Variants in TLN2 observed in about 807,000 individuals in gnomAD.
TLN2 encodes the protein talin 2.
In TLN2, 118 loss-of-function variants were observed where a neutral mutation model predicts 294.7. That is an observed-to-expected ratio of 0.40 (90% CI 0.34 to 0.47). The LOEUF (loss-of-function observed/expected upper bound fraction) is 0.47. Among genes scored for constraint, TLN2 ranks in the 20% least tolerant of loss-of-function variants. The pLI is 0.84. For synonymous variants in TLN2, 1,431 were observed against 1,304.5 expected (o/e 1.10, Z -2.09); for missense variants, 3,083 against 3,282.2 (o/e 0.94, Z 1.48).
chr15:62,776,777 A>C lies in TLN2; in HGVS notation c.5381A>C (p.His1794Pro), dbSNP rs898238364. The C allele has an allele frequency of 6.4e-7, 1 of 1,574,254 alleles. No homozygotes were observed. Among genetic ancestry groups the C allele is most frequent in the African/African-American group, 1.4e-5 (1 of 72,940 alleles). The change falls in exon 43 of 59, where the codon CAT becomes CCT. Residue 1794 changes from histidine (H) to proline (P), a missense_variant. His to Pro is a moderately conservative substitution (Grantham distance 77). Coordinates refer to ENST00000636159, the MANE Select transcript of TLN2 (RefSeq NM_015059.3). ...TTCCCTTCTCAGGCACAACACACCC[A>C]TGACGCCATCACAGAGGCCGCCCAG... is the stretch of plus-strand genomic sequence containing the variant. Reference protein sequence around the residue: ...GGGNPKAQHTHDAITEAAQLM... With the variant: ...GGGNPKAQHTPDAITEAAQLM...
At chr15:62,572,325 C>T (rs1215423229) in intron 1 of TLN2, among the ~76,000 whole-genome samples, 4 of 152,078 alleles carry the variant, frequency 2.6e-5, no homozygotes, top group African/African-American at 7.2e-5. Flanking sequence ...ACTGTAACCT[C>T]GACCTCCTGG....
intron 14 of TLN2, among the ~76,000 whole-genome samples, chr15:62,696,221 T>C (rs1172279582): frequency 6.6e-6 from 1 of 152,204 alleles, no homozygotes; most frequent in Non-Finnish European, 1.5e-5. Context: ...GCGAGGGCCC[T>C]GGGACAGAGG....
intron 9 of TLN2, among the ~76,000 whole-genome samples, chr15:62,664,396 A>C (rs2054277118): frequency 6.6e-6 from 1 of 152,108 alleles, no homozygotes; most frequent in African/African-American, 2.4e-5. Context: ...AGATGGGCAT[A>C]CATTTAAATG....
intron 3 of TLN2, among the ~76,000 whole-genome samples, chr15:62,646,169 CT>C (rs5813156): frequency 0.66 from 97,828 of 148,466 alleles, 32,362 homozygotes; most frequent in Middle Eastern, 0.8. Flanking sequence ...TCTTTTCTTT[CT>C]TTTTTTTTTT....
rs1435768403 is a variant in TLN2, at chr15:62,701,097, G to C, written c.1588-9G>C. On this transcript the variant is annotated splice_polypyrimidine_tract_variant and intron_variant, in intron 16 of 58. Transcript: ENST00000636159. ...TGTGATTGTGTTGTGCCGTTGTCTG[G>C]CTTTGCAGGCATCTAGGGTATGGGT... 6.2e-7 allele frequency: 1 copy of C among 1,612,588 alleles called. No individual in the cohort carries two copies. The highest frequency in any genetic ancestry group is 1.7e-5 in the Admixed American group (1 of 59,816).
chr15:62,631,773 G>T (rs1273867487), intron 3 of TLN2, among the ~76,000 whole-genome samples: 1 of 149,134 alleles, frequency 6.7e-6, no homozygotes, highest in African/African-American at 2.5e-5. Flanking sequence ...GGTATAGACG[G>T]GGTCTCCCTA....
At chr15:62,430,934 CA>C (rs10649000) in intron 1 of TLN2, among the ~76,000 whole-genome samples, 60 of 143,654 alleles carry the variant, frequency 4.2e-4, no homozygotes, top group African/African-American at 1.1e-3. Flanking sequence ...CAGGAAAAGC[CA>C]AAAAAAAAAA....
chr15:62,692,639 C>A (rs1320343942), intron 12 of TLN2, among the ~76,000 whole-genome samples: 1 of 152,134 alleles, frequency 6.6e-6, no homozygotes. Flanking sequence ...AGCCCCCCAG[C>A]CAGTCTGTCT....
chr15:62,522,968 A>T (rs1307504642), intron 1 of TLN2, among the ~76,000 whole-genome samples: 1 of 140,612 alleles, frequency 7.1e-6, no homozygotes, highest in East Asian at 2.4e-4. Context: ...ACACACACAC[A>T]CACACACACA....
intron 1 of TLN2, among the ~76,000 whole-genome samples, chr15:62,522,941 TACACACACACACACACACACACAC>T (rs71129007): frequency 7.5e-6 from 1 of 133,084 alleles, no homozygotes; most frequent in African/African-American, 3.1e-5. Context: ...GAATGTGGCT[TACACACACACACACACACACACAC>T]ACACACACAC....
chr15:62,782,936 G>A (rs554555286), intron 44 of TLN2, among the ~76,000 whole-genome samples: 17 of 152,348 alleles, frequency 1.1e-4, no homozygotes, highest in Admixed American at 3.9e-4. Flanking sequence ...AGTGACACCC[G>A]TCTGGGTGGC....
intron 11 of TLN2, among the ~76,000 whole-genome samples, chr15:62,677,850 CA>C (rs2056405417): frequency 1.6e-5 from 2 of 123,734 alleles, no homozygotes; most frequent in East Asian, 5.8e-4. Context: ...GGCTAGAGAG[CA>C]ATGGCACGAT....
intron 1 of TLN2, among the ~76,000 whole-genome samples, chr15:62,535,592 G>T (rs1462811534): frequency 1.8e-4 from 26 of 144,526 alleles, no homozygotes; most frequent in East Asian, 1.2e-3. Flanking sequence ...GTCTGGTTCT[G>T]TTGCCCCGGC....
chr15:62,815,177 TCACACACACA>T (rs3055852), intron 52 of TLN2, among the ~76,000 whole-genome samples: 14,968 of 140,448 alleles, frequency 0.11, 889 homozygotes, highest in Non-Finnish European at 0.11. Context: ...ATTCTGTCTG[TCACACACACA>T]CACACACACA....
At chr15:62,544,324 C>T (rs981642352) in intron 1 of TLN2, among the ~76,000 whole-genome samples, 1 of 152,184 alleles carries the variant, frequency 6.6e-6, no homozygotes, top group African/African-American at 2.4e-5. Context: ...GCGCCTCTTC[C>T]TCTGGGTTCG....
At chr15:62,657,154 G>C (rs943713564) in intron 8 of TLN2, among the ~76,000 whole-genome samples, 10 of 6,908 alleles carry the variant, frequency 1.4e-3, no homozygotes, top group African/African-American at 1.7e-3. Flanking sequence ...CTGAAAAGGT[G>C]GGGGGGGGAA....
chr15:62,729,856 A>G (rs2140939623), intron 28 of TLN2, among the ~76,000 whole-genome samples: 1 of 151,990 alleles, frequency 6.6e-6, no homozygotes, highest in Admixed American at 6.6e-5. Flanking sequence ...TCAGATTCAT[A>G]TGCATTTTCA....
intron 1 of TLN2, among the ~76,000 whole-genome samples, chr15:62,427,875 CTG>C (rs1468522267): frequency 1.3e-5 from 2 of 152,186 alleles, no homozygotes; most frequent in Non-Finnish European, 2.9e-5. Flanking sequence ...TACCTGAAAA[CTG>C]TGAGGCTTGT....
At position 62,534,219 on chromosome 15, in the gene TLN2, TA is replaced by T. The variant is rs933160125; in HGVS notation, c.-237-55466del. Among the ~76,000 whole-genome samples the T allele has an allele frequency of 2.0e-5, 3 of 152,272 alleles. No individual in the cohort carries two copies. The South Asian group carries it at 6.2e-4, about 32-fold the overall frequency. On this transcript the variant is annotated intron_variant, in intron 1 of 58. Coordinates refer to ENST00000636159, the MANE Select transcript of TLN2 (RefSeq NM_015059.3). ...CTGCAGACACCAGCTGGGTATCCTC[TA>T]ATTCAATTCTATTTTGACACTACCT...
Sources: allele counts gnomAD v4.1 joint callset (sites outside exome capture counted in the v4.1 genomes callset), GRCh38; gene constraint gnomAD v4.1.1; transcripts MANE v1.5; gene names NCBI Gene and HGNC (gene_info 2026-07-23, HGNC 2026-07-21).